TMPRSS15: variants seen among roughly 807,000 people sequenced by gnomAD.
TMPRSS15 encodes the protein enteropeptidase.
In TMPRSS15, 128 loss-of-function variants were observed where a neutral mutation model predicts 125.3. The ratio of observed to expected loss-of-function variants is 1.02; its 90% CI spans 0.89 to 1.18. TMPRSS15 has a LOEUF of 1.18. Ranked by LOEUF, TMPRSS15 falls within the 50% of genes most tolerant of loss-of-function variation. The pLI, the probability that TMPRSS15 is intolerant of heterozygous loss-of-function variation, is 0.00. For synonymous variants in TMPRSS15, 446 were observed against 423.2 expected (o/e 1.05, Z -0.66); for missense variants, 1,283 against 1,212.7 (o/e 1.06, Z -0.86).
intron 22 of TMPRSS15, 101 bp downstream of exon 22, chr21:18,280,939 T>C (rs2074690293): frequency 8.0e-7 from 1 of 1,244,496 alleles, no homozygotes; most frequent in East Asian, 2.3e-5. Context: ...ACAAATTATC[T>C]AGCTTTTATG....
At position 18,365,645 on chromosome 21, in the gene TMPRSS15, TCCTCCCTTCCTTCCTTCC is replaced by T. The variant is rs1187719265; in HGVS notation, c.665-415_665-398del. ...CTTTCTTTCTCTTTCTCTCTCTTTT[TCCTCCCTTCCTTCCTTCC>T]TTCCTTCCTTCCTTCCTTCCTTCCT... On this transcript the variant is annotated intron_variant, in intron 6 of 24. Coordinates refer to ENST00000284885, the MANE Select transcript of TMPRSS15 (RefSeq NM_002772.3). Among the ~76,000 whole-genome samples, 27 of 102,904 alleles carry T rather than the reference TCCTCCCTTCCTTCCTTCC, an allele frequency of 2.6e-4. 1 individual carries two copies. The highest frequency in any genetic ancestry group is 3.6e-4 in the African/African-American group (9 of 24,836). The allele number at this position is 102,904 out of a possible 152,430, so 67.5% of individuals were successfully genotyped here. A position where few individuals can be genotyped will look rare whatever the true frequency, so the allele number is the denominator to read the frequency against.
At chr21:18,485,000 T>C (rs192239873) in intron 1 of TMPRSS15, among the ~76,000 whole-genome samples, 1 of 152,072 alleles carries the variant, frequency 6.6e-6, no homozygotes, top group African/African-American at 2.4e-5. Flanking sequence ...ACCTTTCTGA[T>C]ACTGATTGTT....
chr21:18,396,197 G>A (rs2076032975), intron 3 of TMPRSS15, among the ~76,000 whole-genome samples: 1 of 152,140 alleles, frequency 6.6e-6, no homozygotes, highest in Non-Finnish European at 1.5e-5. Flanking sequence ...AAAAAGAGAA[G>A]TTTCCTTTTC....
intron 3 of TMPRSS15, among the ~76,000 whole-genome samples, chr21:18,391,820 T>C (rs1001773456): frequency 1.3e-5 from 2 of 152,234 alleles, no homozygotes; most frequent in Non-Finnish European, 2.9e-5. Context: ...TCTGCCTACA[T>C]ATCCAGATGT....
intron 1 of TMPRSS15, among the ~76,000 whole-genome samples, chr21:18,479,756 G>T (rs1978946182): frequency 6.6e-6 from 1 of 152,102 alleles, no homozygotes; most frequent in Non-Finnish European, 1.5e-5. Context: ...TGGAGAGGAT[G>T]TGGAGAAATA....
At chr21:18,483,337 C>G (rs1979020203) in intron 1 of TMPRSS15, among the ~76,000 whole-genome samples, 1 of 151,700 alleles carries the variant, frequency 6.6e-6, no homozygotes, top group Non-Finnish European at 1.5e-5. Flanking sequence ...TTCTCTACAC[C>G]CTGGGCTATT....
At chr21:18,288,020 A>C (rs1355262051) in intron 21 of TMPRSS15, among the ~76,000 whole-genome samples, 2 of 152,216 alleles carry the variant, frequency 1.3e-5, no homozygotes, top group Non-Finnish European at 2.9e-5. Context: ...TGTATCAAAA[A>C]GATACCTGCA....
intron 19 of TMPRSS15, 31 bp downstream of exon 19, chr21:18,297,703 A>T: frequency 6.6e-7 from 1 of 1,519,864 alleles, no homozygotes; most frequent in East Asian, 2.3e-5. Flanking sequence ...GTCTATGTAC[A>T]ACTAGTCTAA....
At chr21:18,280,797 T>C (rs1035023448) in intron 22 of TMPRSS15, among the ~76,000 whole-genome samples, 1 of 152,164 alleles carries the variant, frequency 6.6e-6, no homozygotes, top group Non-Finnish European at 1.5e-5. Context: ...TTGAGTTTAC[T>C]GTTATACAGG....
intron 1 of TMPRSS15, among the ~76,000 whole-genome samples, chr21:18,422,156 T>G (rs1454468383): frequency 6.6e-6 from 1 of 152,018 alleles, no homozygotes; most frequent in African/African-American, 2.4e-5. Context: ...AGATAATTTT[T>G]TGTATTGTTA....
At position 18,343,621 on chromosome 21, in the gene TMPRSS15, C is replaced by CT. The variant is rs777653277; in HGVS notation, c.1312dup (p.Ser438LysfsTer3). On this transcript the variant is annotated frameshift_variant, in exon 12 of 25. Transcript: ENST00000284885. LOFTEE classifies it high-confidence loss of function. ...ATTTTGGTCATTGCTGATATTAATG[C>CT]TTAATTTATGGACATTTTCACCATA... is the stretch of plus-strand genomic sequence containing the variant. 4.3e-6 allele frequency: 7 copies of CT among 1,613,606 alleles called. No individual in the cohort carries two copies. The highest frequency in any genetic ancestry group is 5.9e-6 in the Non-Finnish European group (7 of 1,179,744).
intron 15 of TMPRSS15, among the ~76,000 whole-genome samples, chr21:18,328,110 T>A (rs886531285): frequency 2.0e-5 from 3 of 152,126 alleles, no homozygotes; most frequent in African/African-American, 7.2e-5. Context: ...AGCTATTATG[T>A]TTGACTGATA....
chr21:18,404,953 T>C (rs991639187), upstream of TMPRSS15, among the ~76,000 whole-genome samples: 2 of 152,228 alleles, frequency 1.3e-5, no homozygotes, highest in East Asian at 3.9e-4. Flanking sequence ...ACACCACTTA[T>C]GGACTTGGGA....
chr21:18,321,106 C>T (rs2075229572), intron 16 of TMPRSS15, among the ~76,000 whole-genome samples: 2 of 147,582 alleles, frequency 1.4e-5, no homozygotes, highest in South Asian at 4.2e-4. Context: ...CTGTTGAATT[C>T]CATCGTTAAG....
At chr21:18,452,951 C>T (rs377317274) in intron 1 of TMPRSS15, among the ~76,000 whole-genome samples, 9 of 152,100 alleles carry the variant, frequency 5.9e-5, no homozygotes, top group African/African-American at 1.9e-4. Context: ...GTAGTATGAA[C>T]GTGCAACATA....
intron 10 of TMPRSS15, among the ~76,000 whole-genome samples, chr21:18,349,695 C>G (rs549003145): frequency 6.6e-6 from 1 of 152,186 alleles, no homozygotes; most frequent in South Asian, 2.1e-4. Context: ...CTATTAAATC[C>G]TATCATCTGT....
intron 1 of TMPRSS15, among the ~76,000 whole-genome samples, chr21:18,433,663 C>CAAAAAAAAAAAAAAAAA (rs58432155): frequency 8.0e-5 from 5 of 62,406 alleles, no homozygotes; most frequent in African/African-American, 1.3e-4. Flanking sequence ...GACCTTGTCT[C>CAAAAAAAAAAAAAAAAA]AAAAAAAAAA....
intron 3 of TMPRSS15, 143 bp downstream of exon 3, chr21:18,397,736 G>T: frequency 1.9e-6 from 1 of 522,442 alleles, no homozygotes. Flanking sequence ...GAAAGTTTAT[G>T]CTGTGCCACT....
rs769392758 is a variant in TMPRSS15 at position 18,278,924 on chromosome 21, G to GTTTGTTTTTT, written c.2764+39_2764+40insAAAAAACAAA. 3.2e-4 allele frequency: 139 copies of GTTTGTTTTTT among 440,182 alleles called. 7 individuals are homozygous for GTTTGTTTTTT. In the African/African-American group the frequency reaches 4.3e-3, roughly 14 times the overall value. The allele number at this position is 440,182 out of a possible 1,614,324, so 27.3% of individuals were successfully genotyped here. The stretch of plus-strand genomic sequence containing the variant: ...TGACAGTCTGTTTTTCACCAGTAAG[G>GTTTGTTTTTT]TTTTTTTTTTTTTTTTTTTTTTTGA... On this transcript the variant is annotated intron_variant, in intron 23 of 24. Transcript: ENST00000284885.
Sources: allele counts gnomAD v4.1 joint callset (sites outside exome capture counted in the v4.1 genomes callset), GRCh38; gene constraint gnomAD v4.1.1; transcripts MANE v1.5; gene names NCBI Gene and HGNC (gene_info 2026-07-23, HGNC 2026-07-21).